RGN: variants seen among roughly 807,000 people sequenced by gnomAD.
RGN encodes epididymis secretory protein Li 41.
In RGN, 19 loss-of-function variants were observed where a neutral mutation model predicts 20.6. That is an observed-to-expected ratio of 0.92 (90% CI 0.64 to 1.35). The LOEUF is 1.35. RGN is among the 40% of genes most tolerant of loss of function. The pLI is 0.00. For synonymous variants in RGN, 85 were observed against 87.2 expected (o/e 0.97, Z 0.14); for missense variants, 302 against 232.7 (o/e 1.30, Z -1.94).
Position 47,082,143 on chromosome X carries a change from A to G in RGN, c.163+836A>G, listed in dbSNP as rs782136570. ...ATGCGTTTATGGCCCTGCGAATTCT[A>G]AAGAAGGGATTTATCACTTTCTATG... On this transcript the variant is annotated intron_variant, in intron 3 of 7. Coordinates refer to ENST00000397180, the MANE Select transcript of RGN (RefSeq NM_152869.4). Among the ~76,000 whole-genome samples, 21 of 111,127 alleles carry G rather than the reference A, an allele frequency of 1.9e-4. No individual in the cohort carries two copies. In the South Asian group the frequency reaches 7.9e-3, roughly 42 times the overall value.
chrX:47,083,638 T>C (rs571104927), intron 3 of RGN, among the ~76,000 whole-genome samples: 1 of 111,822 alleles, frequency 8.9e-6, no homozygotes, highest in East Asian at 2.8e-4. Context: ...GGGCCTGGCG[T>C]GGTGGCTCAC....
rs928096211 is a variant in RGN, at chrX:47,082,729, T to A, written c.163+1422T>A. On this transcript the variant is annotated intron_variant, in intron 3 of 7. Transcript: ENST00000397180. ...GAATGGGGATGGGGTCCCCTTGCCT[T>A]TTCTAGTCTCTTTTGCAGCAGACAC... Among the ~76,000 whole-genome samples the A allele has an allele frequency of 6.3e-5, 7 of 111,130 alleles. No individual in the cohort carries two copies. The East Asian group carries it at 2.0e-3, about 31-fold the overall frequency.
In RGN at chrX:47,093,212, A is replaced by C; in HGVS notation, c.*265A>C. 1 of 344,735 alleles carries C rather than the reference A, an allele frequency of 2.9e-6. No homozygotes were observed. Among genetic ancestry groups the C allele is most frequent in the African/African-American group, 2.6e-5 (1 of 38,317 alleles). The allele number at this position is 344,735 out of a possible 1,213,427, so 28.4% of individuals were successfully genotyped here. On this transcript the variant is annotated 3_prime_UTR_variant, in exon 8 of 8. Coordinates refer to ENST00000397180, the MANE Select transcript of RGN (RefSeq NM_152869.4). Reference sequence around the variant, plus strand: ...TCAATCAGCCTCTTGATTCTTTGTAAATTGCCAGGGTGGGTGGGTACATAT... The same window carrying C: ...TCAATCAGCCTCTTGATTCTTTGTACATTGCCAGGGTGGGTGGGTACATAT...
intron 5 of RGN, among the ~76,000 whole-genome samples, chrX:47,090,961 A>AAAGAAAGAAAAAGAAAGAAAGAAAGAAAG (rs1930979779): frequency 1.6e-5 from 1 of 63,565 alleles, no homozygotes; most frequent in African/African-American, 6.5e-5. Context: ...AGAAAGAAAG[A>AAAGAAAGAAAAAGAAAGAAAGAAAGAAAG]AAGAAAGAAA....
intron 5 of RGN, among the ~76,000 whole-genome samples, chrX:47,091,329 C>G (rs1268746021): frequency 3.6e-5 from 4 of 111,877 alleles, no homozygotes; most frequent in Non-Finnish European, 7.5e-5. Flanking sequence ...AGTTTTGTAA[C>G]TGAAACAGCA....
chrX:47,089,517 ATAT>A (rs1275587894), intron 4 of RGN, among the ~76,000 whole-genome samples: 150 of 39,568 alleles, frequency 3.8e-3, no homozygotes, highest in Middle Eastern at 0.02. Flanking sequence ...TTATATATAC[ATAT>A]TATATATACT....
intron 1 of RGN, among the ~76,000 whole-genome samples, 196 bp downstream of exon 1, chrX:47,078,905 G>T (rs961446711): frequency 2.8e-5 from 3 of 107,197 alleles, no homozygotes; most frequent in Non-Finnish European, 3.8e-5. Context: ...CCTTATCTAA[G>T]ACTGATAGGA....
chrX:47,090,132 G>A, intron 5 of RGN, 141 bp downstream of exon 5: 2 of 392,304 alleles, frequency 5.1e-6, no homozygotes, highest in Non-Finnish European at 8.7e-6. Flanking sequence ...TTCTAATATA[G>A]TAACGACAGC....
At position 47,080,939 on chromosome X, in the gene RGN, AAG is replaced by A; in HGVS notation, c.-16+4_-16+5del. The A allele has an allele frequency of 2.7e-6, 1 of 371,685 alleles. No individual in the cohort carries two copies. The highest frequency in any genetic ancestry group is 4.9e-5 in the Admixed American group (1 of 20,425). The allele number at this position is 371,685 out of a possible 1,213,427, so 30.6% of individuals were successfully genotyped here. On this transcript the variant is annotated splice_donor_5th_base_variant and intron_variant, in intron 2 of 7. Coordinates refer to ENST00000397180, the MANE Select transcript of RGN (RefSeq NM_152869.4). ...ATCATTCGAGAAACACGTCACTGGT[AAG>A]TTGGTTGAAGATGTTTCATGGTCCC...
Position 47,089,869 on chromosome X carries a change from T to C in RGN, c.440T>C (p.Phe147Ser), listed in dbSNP as rs1217879789. The C allele has an allele frequency of 8.3e-7, 1 of 1,206,173 alleles. No individual in the cohort carries two copies. The highest frequency in any genetic ancestry group is 1.1e-6 in the Non-Finnish European group (1 of 893,789). Residue 147 changes from phenylalanine to serine, a missense_variant, in exon 5 of 8, where the codon TTT (phenylalanine) becomes TCT (serine). Physicochemically the swap from Phe to Ser is radical, Grantham distance 155. Coordinates refer to ENST00000397180, the MANE Select transcript of RGN (RefSeq NM_152869.4). ...LFPDHHVKKY[F>S]DQVDISNGLD... ...CCTGATCACCACGTGAAAAAGTACT[T>C]TGACCAGGTGGACATTTCCAATGGT... is the stretch of plus-strand genomic sequence containing the variant.
rs1400741609 is a variant in RGN, at chrX:47,089,596, TATACACACACACACACAC to T, written c.347-178_347-161del. The stretch of plus-strand genomic sequence containing the variant: ...TATATACTTTATATATATATATATA[TATACACACACACACACAC>T]ACACACACACACACACACATATATA... On this transcript the variant is annotated intron_variant, in intron 4 of 7. Transcript: ENST00000397180. Among the ~76,000 whole-genome samples, 99 of 38,853 alleles carry T rather than the reference TATACACACACACACACAC, an allele frequency of 2.5e-3. 1 individual carries two copies. Among genetic ancestry groups the T allele is most frequent in the African/African-American group, 9.5e-3 (58 of 6,121 alleles). The allele number at this position is 38,853 out of a possible 115,157, so 33.7% of individuals were successfully genotyped here. A position where few individuals can be genotyped will look rare whatever the true frequency, so the allele number is the denominator to read the frequency against.
At chrX:47,090,119 C>T in intron 5 of RGN, 128 bp downstream of exon 5, 1 of 433,729 alleles carries the variant, frequency 2.3e-6, no homozygotes, top group Non-Finnish European at 3.9e-6. Flanking sequence ...TCTGATGCTA[C>T]TATTCTAATA....
In RGN at chrX:47,090,325, C is replaced by T. The variant is rs781790153; in HGVS notation, c.562+334C>T. ...AAAGAGGTTCACTGCAAAAGAGATCCTATTCTACCAGGAGGTGCCTAAAGG... is the reference window on the plus strand; with the variant it reads ...AAAGAGGTTCACTGCAAAAGAGATCTTATTCTACCAGGAGGTGCCTAAAGG... On this transcript the variant is annotated intron_variant, in intron 5 of 7. Transcript: ENST00000397180. 2.8e-4 allele frequency among the ~76,000 whole-genome samples: 31 copies of T among 111,378 alleles called. No individual in the cohort carries two copies. In the South Asian group the frequency reaches 0.011, roughly 40 times the overall value.
In RGN at chrX:47,090,961, A is replaced by AAAGAAAG. The variant is rs1556387549; in HGVS notation, c.563-714_563-708dup. Among the ~76,000 whole-genome samples the AAAGAAAG allele has an allele frequency of 5.0e-3, 315 of 63,595 alleles. 47 individuals are homozygous for AAAGAAAG. The highest frequency in any genetic ancestry group is 6.9e-3 in the Non-Finnish European group (228 of 33,169). 55.2% of individuals were successfully genotyped at this position (63,595 alleles called of 115,157 possible). On this transcript the variant is annotated intron_variant, in intron 5 of 7. Coordinates refer to ENST00000397180, the MANE Select transcript of RGN (RefSeq NM_152869.4). The stretch of plus-strand genomic sequence containing the variant: ...GAAAGAAAGAAAGAAAGAAAGAAAG[A>AAAGAAAG]AAGAAAGAAAGAAAGAAAGAAAGAT...
At chrX:47,090,030 T>G (rs782203047) in intron 5 of RGN, 39 bp downstream of exon 5, 1 of 1,027,507 alleles carries the variant, frequency 9.7e-7, no homozygotes, top group South Asian at 2.2e-5. Context: ...GCTGCCACTA[T>G]TGTTTTCATA....
intron 5 of RGN, among the ~76,000 whole-genome samples, chrX:47,090,956 GA>G (rs1249132227): frequency 8.4e-4 from 44 of 52,554 alleles, no homozygotes; most frequent in African/African-American, 2.0e-3. Flanking sequence ...AAGAAAGAAA[GA>G]AAGAAAGAAA....
chrX:47,085,376 C>T (rs921507120), intron 4 of RGN, among the ~76,000 whole-genome samples: 1 of 109,919 alleles, frequency 9.1e-6, no homozygotes, highest in African/African-American at 3.3e-5. Context: ...AAAAATTAGC[C>T]GGGCGTGGTG....
intron 3 of RGN, among the ~76,000 whole-genome samples, chrX:47,082,121 C>T (rs188530588): frequency 4.3e-4 from 48 of 111,057 alleles, no homozygotes; most frequent in Admixed American, 1.9e-3. Flanking sequence ...GAGTGTGATG[C>T]GTTTATGGCC....
At chrX:47,090,071 G>A (rs1021681984) in intron 5 of RGN, 80 bp downstream of exon 5, 20 of 670,261 alleles carry the variant, frequency 3.0e-5, no homozygotes, top group Middle Eastern at 3.7e-4. Flanking sequence ...CCTCTCCCTC[G>A]CCTCATGTGA....
Sources: gnomAD v4.1 joint callset for allele counts (sites outside exome capture counted in the v4.1 genomes callset) on GRCh38, gnomAD v4.1.1 for gene constraint, MANE v1.5 for transcripts, NCBI Gene and HGNC (gene_info 2026-07-23, HGNC 2026-07-21) for gene names.